Variants in MBD5 observed in about 807,000 individuals in gnomAD.
MBD5 encodes the protein methyl-CpG binding domain protein 5.
MBD5 carries 13 observed loss-of-function variants against 117.3 expected under a neutral mutation model. The observed-to-expected ratio is 0.11, with a 90% CI of 0.07 to 0.18. The LOEUF is 0.18. Among genes scored for constraint, MBD5 ranks in the 10% least tolerant of loss-of-function variants. The pLI is 1.00. For synonymous variants in MBD5, 727 were observed against 766.4 expected, an observed-to-expected ratio of 0.95 and a Z score of 0.85; for missense variants, 1,879 against 2,093.8, an observed-to-expected ratio of 0.90 and a Z score of 2.00.
intron 3 of MBD5, among the ~76,000 whole-genome samples, chr2:148,283,381 A>T (rs1235808097): frequency 6.6e-6 from 1 of 152,138 alleles, no homozygotes; most frequent in Non-Finnish European, 1.5e-5. Context: ...GGAGTGAAGT[A>T]GATCTACATT....
At chr2:148,130,687 A>T (rs1697023427) in intron 1 of MBD5, among the ~76,000 whole-genome samples, 1 of 152,182 alleles carries the variant, frequency 6.6e-6, no homozygotes, top group Non-Finnish European at 1.5e-5. Context: ...CTGTAGAAGG[A>T]AAAAACAGTC....
chr2:148,347,856 G>T (rs973134468), intron 4 of MBD5, among the ~76,000 whole-genome samples: 1 of 151,632 alleles, frequency 6.6e-6, no homozygotes, highest in Non-Finnish European at 1.5e-5. Flanking sequence ...AGTACCTAGG[G>T]CCCATAAAAA....
chr2:148,310,287 G>T (rs2106524080), intron 3 of MBD5, among the ~76,000 whole-genome samples: 1 of 152,152 alleles, frequency 6.6e-6, no homozygotes, highest in Non-Finnish European at 1.5e-5. Flanking sequence ...GGGTTTTTTG[G>T]TTGGTAAGCT....
chr2:148,308,487 CTTTCTTTTTTTTTTTTTT>C (rs1574267535), intron 3 of MBD5, among the ~76,000 whole-genome samples: 3 of 27,698 alleles, frequency 1.1e-4, no homozygotes, highest in East Asian at 1.2e-3. Context: ...TGATGGGGTT[CTTTCTTTTTTTTTTTTTT>C]TTTTTTTTTT....
At chr2:148,419,150 A>G (rs13404516) in intron 4 of MBD5, among the ~76,000 whole-genome samples, 1,861 of 152,296 alleles carry the variant, frequency 0.012, 42 homozygotes, top group African/African-American at 0.042. Context: ...AATTCAATAA[A>G]TGGTGCTGGG....
chr2:148,417,190 T>C (rs1218355060), intron 4 of MBD5, among the ~76,000 whole-genome samples: 4 of 152,154 alleles, frequency 2.6e-5, no homozygotes, highest in Non-Finnish European at 4.4e-5. Context: ...TGGTGTGATC[T>C]TGGCTCACTG....
intron 2 of MBD5, among the ~76,000 whole-genome samples, chr2:148,208,916 A>G (rs1699351137): frequency 6.6e-6 from 1 of 152,098 alleles, no homozygotes; most frequent in South Asian, 2.1e-4. Flanking sequence ...TTTGAAGCAA[A>G]TTGTATTTTA....
Position 148,329,738 on chromosome 2 carries a change from C to T in MBD5, c.-679-12476C>T, listed in dbSNP as rs572936263. On this transcript the variant is annotated intron_variant, in intron 3 of 13. Transcript: ENST00000642680. ...ATGATTTGAGCAACAATTGCACATT[C>T]TTATATTTTATACAAAATATGTATT... Among the ~76,000 whole-genome samples, 166 of 152,236 alleles carry T rather than the reference C, an allele frequency of 1.1e-3. 1 individual carries two copies. Among genetic ancestry groups the T allele is most frequent in the African/African-American group, 3.9e-3 (161 of 41,542 alleles).
At chr2:148,319,932 A>G (rs2602358) in intron 3 of MBD5, among the ~76,000 whole-genome samples, 41,831 of 151,990 alleles carry the variant, frequency 0.28, 6,560 homozygotes, top group Admixed American at 0.37. Context: ...TGTTTCTTCT[A>G]TGCCTAGTTT....
intron 3 of MBD5, among the ~76,000 whole-genome samples, chr2:148,290,983 T>G (rs190064799): frequency 6.6e-6 from 1 of 152,340 alleles, no homozygotes; most frequent in African/African-American, 2.4e-5. Flanking sequence ...CAAGAGTGTA[T>G]GAGGGTTTCA....
At chr2:148,391,469 T>A (rs769461898) in intron 4 of MBD5, among the ~76,000 whole-genome samples, 15 of 152,186 alleles carry the variant, frequency 9.9e-5, no homozygotes, top group Non-Finnish European at 1.9e-4. Flanking sequence ...CCAGGATGAT[T>A]TGATGTAATT....
intron 1 of MBD5, among the ~76,000 whole-genome samples, chr2:148,146,165 G>T (rs550395659): frequency 1.3e-5 from 2 of 152,304 alleles, no homozygotes; most frequent in Admixed American, 1.3e-4. Context: ...TTGACCTACA[G>T]TTGTTTATAG....
At chr2:148,462,458 A>C (rs982165470) in intron 5 of MBD5, 124 bp from the exon 6 acceptor site, 1 of 696,066 alleles carries the variant, frequency 1.4e-6, no homozygotes, top group African/African-American at 1.8e-5. Flanking sequence ...ATTGACAAAG[A>C]AAATGCTTTT....
At chr2:148,418,132 G>A (rs985745690) in intron 4 of MBD5, among the ~76,000 whole-genome samples, 11 of 151,988 alleles carry the variant, frequency 7.2e-5, no homozygotes, top group East Asian at 1.9e-4. Flanking sequence ...GAGCCACCAC[G>A]CCCAGCCTTA....
intron 3 of MBD5, among the ~76,000 whole-genome samples, chr2:148,250,355 A>C (rs190445223): frequency 5.5e-4 from 84 of 152,234 alleles, no homozygotes; most frequent in Non-Finnish European, 9.1e-4. Flanking sequence ...AAAAATAACT[A>C]CTGGGTGACA....
chr2:148,301,841 A>G (rs755490347), intron 3 of MBD5, among the ~76,000 whole-genome samples: 14 of 152,212 alleles, frequency 9.2e-5, no homozygotes, highest in Non-Finnish European at 1.8e-4. Flanking sequence ...CTTAGTGTAC[A>G]TGCTTGACCC....
chr2:148,152,058 G>T (rs1447178580), intron 1 of MBD5, among the ~76,000 whole-genome samples: 1 of 151,342 alleles, frequency 6.6e-6, no homozygotes, highest in African/African-American at 2.4e-5. Flanking sequence ...GATCTTTCCT[G>T]CTTTCTCTTG....
intron 2 of MBD5, among the ~76,000 whole-genome samples, chr2:148,200,782 G>C (rs565648138): frequency 6.6e-6 from 1 of 150,610 alleles, no homozygotes; most frequent in South Asian, 2.1e-4. Flanking sequence ...AAAATACTTC[G>C]CACATCATTA....
chr2:148,306,881 C>T (rs1032545481), intron 3 of MBD5, among the ~76,000 whole-genome samples: 2 of 152,090 alleles, frequency 1.3e-5, no homozygotes, highest in African/African-American at 2.4e-5. Context: ...CATACAATTT[C>T]TGGAATATTT....
Sources: allele counts gnomAD v4.1 joint callset (sites outside exome capture counted in the v4.1 genomes callset), GRCh38; gene constraint gnomAD v4.1.1; transcripts MANE v1.5; gene names NCBI Gene and HGNC (gene_info 2026-07-23, HGNC 2026-07-21).